Variants in CHKA observed in about 807,000 individuals in gnomAD.
CHKA encodes the protein choline kinase alpha.
Under a neutral mutation model 60.1 loss-of-function variants are expected in CHKA, and 34 were observed. That is an observed-to-expected ratio of 0.57 (90% CI 0.43 to 0.75). The LOEUF (loss-of-function observed/expected upper bound fraction) is 0.75. Among genes scored for constraint, CHKA ranks in the 30% least tolerant of loss-of-function variants. The probability of loss-of-function intolerance (pLI) is 0.00; values close to 1 mark genes in which losing one functional copy is unlikely to be tolerated. For missense variants in CHKA, 563 were observed against 561.3 expected, an observed-to-expected ratio of 1.00 and a Z score of -0.03; for synonymous variants, 217 against 223.1, an observed-to-expected ratio of 0.97 and a Z score of 0.24.
chr11:68,066,320 T>C lies in CHKA; in HGVS notation c.1016+109A>G, dbSNP rs1565174518. Reference sequence around the variant, plus strand: ...AGCCACTGATTCCAGGTGAAGCAGCTTGCAACTCAGAGCGGCATTTTGACT... The same window carrying C: ...AGCCACTGATTCCAGGTGAAGCAGCCTGCAACTCAGAGCGGCATTTTGACT... On this transcript the variant is annotated intron_variant, in intron 8 of 11. Coordinates refer to ENST00000265689, the MANE Select transcript of CHKA (RefSeq NM_001277.3). 4.2e-5 allele frequency: 38 copies of C among 896,678 alleles called. 1 individual carries two copies. The South Asian group carries it at 5.1e-4, about 12-fold the overall frequency. 55.5% of individuals were successfully genotyped at this position (896,678 alleles called of 1,614,324 possible). A position where few individuals can be genotyped will look rare whatever the true frequency, so the allele number is the denominator to read the frequency against.
At chr11:68,103,403 A>C (rs1209476306) in intron 1 of CHKA, among the ~76,000 whole-genome samples, 1 of 152,072 alleles carries the variant, frequency 6.6e-6, no homozygotes, top group Non-Finnish European at 1.5e-5. Flanking sequence ...TATATGAAAA[A>C]ATGCTGACCA....
intron 1 of CHKA, among the ~76,000 whole-genome samples, chr11:68,098,243 C>T (rs1857576770): frequency 3.4e-5 from 5 of 147,630 alleles, no homozygotes; most frequent in Admixed American, 6.9e-5. Context: ...TGTACTCCAG[C>T]CTGGGCGACA....
At chr11:68,058,735 A>G (rs938047346) in intron 11 of CHKA, among the ~76,000 whole-genome samples, 1 of 152,158 alleles carries the variant, frequency 6.6e-6, no homozygotes, top group African/African-American at 2.4e-5. Flanking sequence ...CAGTGCACCT[A>G]TATTTCCTTT....
At position 68,056,422 on chromosome 11, in the gene CHKA, T is replaced by C. The variant is rs78901012; in HGVS notation, c.1315-2375A>G. ...CTGCACCATACCCTGGGATAAGGAATGCTGTACAGAGAAGCCCGAAGAACC... is the reference window on the plus strand; with the variant it reads ...CTGCACCATACCCTGGGATAAGGAACGCTGTACAGAGAAGCCCGAAGAACC... On this transcript the variant is annotated intron_variant, in intron 11 of 11. Coordinates refer to ENST00000265689, the MANE Select transcript of CHKA (RefSeq NM_001277.3). Among the ~76,000 whole-genome samples, 972 of 152,332 alleles carry C rather than the reference T, an allele frequency of 6.4e-3. 10 individuals are homozygous for C. Among genetic ancestry groups the C allele is most frequent in the African/African-American group, 0.022 (910 of 41,576 alleles).
intron 2 of CHKA, among the ~76,000 whole-genome samples, chr11:68,094,683 C>A (rs987138777): frequency 1.3e-5 from 2 of 152,202 alleles, no homozygotes; most frequent in Non-Finnish European, 2.9e-5. Context: ...GTATTAACAG[C>A]AAGGGGTCTG....
chr11:68,121,244 G>A lies in CHKA; in HGVS notation c.-67C>T. On this transcript the variant is annotated 5_prime_UTR_variant, in exon 1 of 12. Coordinates refer to ENST00000265689, the MANE Select transcript of CHKA (RefSeq NM_001277.3). ...AGAGGACTAGGCTCAGAGTCCGGCCGGGCGCCCCCTCGCCGCTCTCTCACT... is the reference window on the plus strand; with the variant it reads ...AGAGGACTAGGCTCAGAGTCCGGCCAGGCGCCCCCTCGCCGCTCTCTCACT... The A allele has an allele frequency of 9.3e-7, 1 of 1,071,748 alleles. No individual in the cohort carries two copies. The highest frequency in any genetic ancestry group is 1.1e-6 in the Non-Finnish European group (1 of 885,150). 66.4% of individuals were successfully genotyped at this position (1,071,748 alleles called of 1,614,324 possible).
intron 4 of CHKA, among the ~76,000 whole-genome samples, chr11:68,073,087 A>G (rs1190758326): frequency 1.3e-5 from 2 of 152,200 alleles, no homozygotes; most frequent in African/African-American, 4.8e-5. Flanking sequence ...ACTATAATCT[A>G]TGTGTCCTGA....
At chr11:68,054,290 G>A (rs942544183) in intron 11 of CHKA, among the ~76,000 whole-genome samples, 15 of 152,194 alleles carry the variant, frequency 9.9e-5, no homozygotes, top group African/African-American at 2.9e-4. Flanking sequence ...ATAGGCATGG[G>A]CCAGCCCAGC....
intron 11 of CHKA, among the ~76,000 whole-genome samples, chr11:68,060,954 C>T (rs1425512336): frequency 6.6e-6 from 1 of 152,098 alleles, no homozygotes; most frequent in African/African-American, 2.4e-5. Flanking sequence ...CATCCCTGTC[C>T]CAAAGGAAGG....
intron 1 of CHKA, among the ~76,000 whole-genome samples, chr11:68,120,085 G>A (rs1858560010): frequency 6.6e-6 from 1 of 151,948 alleles, no homozygotes; most frequent in South Asian, 2.1e-4. Flanking sequence ...AAAATTAGCC[G>A]GGCGTGGTGG....
intron 11 of CHKA, among the ~76,000 whole-genome samples, chr11:68,060,430 C>T (rs1306609366): frequency 6.6e-6 from 1 of 152,194 alleles, no homozygotes; most frequent in African/African-American, 2.4e-5. Context: ...CTGCCTCAGC[C>T]TCCCTAAGTA....
intron 1 of CHKA, among the ~76,000 whole-genome samples, chr11:68,103,001 T>C (rs569038338): frequency 1.3e-5 from 2 of 151,188 alleles, no homozygotes; most frequent in African/African-American, 4.9e-5. Flanking sequence ...TTGCCCTAAA[T>C]GGTGGCGTGT....
chr11:68,111,137 C>T (rs1044493864), intron 1 of CHKA, among the ~76,000 whole-genome samples: 1 of 152,014 alleles, frequency 6.6e-6, no homozygotes, highest in Non-Finnish European at 1.5e-5. Context: ...TTAGGCCAGG[C>T]GCGGTGGCTC....
chr11:68,096,211 C>A (rs1005889746), intron 2 of CHKA, among the ~76,000 whole-genome samples: 1 of 149,732 alleles, frequency 6.7e-6, no homozygotes, highest in African/African-American at 2.5e-5. Context: ...TAAAAAAGTA[C>A]AAAATTAGCC....
intron 11 of CHKA, among the ~76,000 whole-genome samples, chr11:68,060,305 T>TA (rs1448131438): frequency 6.6e-6 from 1 of 151,712 alleles, no homozygotes; most frequent in Admixed American, 6.6e-5. Context: ...GTTCTGGGAT[T>TA]ACAGGCATGG....
At chr11:68,097,221 A>C (rs957398583) in intron 1 of CHKA, 91 bp from the exon 2 acceptor site, 1 of 885,000 alleles carries the variant, frequency 1.1e-6, no homozygotes, top group African/African-American at 1.7e-5. Flanking sequence ...TCAGGGTTAC[A>C]CAAGAACTGT....
chr11:68,115,888 A>G (rs900052120), intron 1 of CHKA, among the ~76,000 whole-genome samples: 3 of 152,212 alleles, frequency 2.0e-5, no homozygotes, highest in Non-Finnish European at 4.4e-5. Flanking sequence ...CTACATATTT[A>G]TGTTTAATTT....
chr11:68,056,933 G>A (rs1170325979), intron 11 of CHKA, among the ~76,000 whole-genome samples: 2 of 152,314 alleles, frequency 1.3e-5, no homozygotes, highest in East Asian at 3.9e-4. Flanking sequence ...CGAGGGGAAC[G>A]TGGGAACTCC....
At chr11:68,063,721 T>C (rs1856334323) in intron 10 of CHKA, among the ~76,000 whole-genome samples, 1 of 151,880 alleles carries the variant, frequency 6.6e-6, no homozygotes, top group South Asian at 2.1e-4. Context: ...ATCATGGGGG[T>C]AGTTTCCCCC....
Sources: allele counts gnomAD v4.1 joint callset (sites outside exome capture counted in the v4.1 genomes callset), GRCh38; gene constraint gnomAD v4.1.1; transcripts MANE v1.5; gene names NCBI Gene and HGNC (gene_info 2026-07-23, HGNC 2026-07-21).